The following FBXL17 variants were observed in gnomAD, a reference collection of about 807,000 sequenced individuals.
The protein encoded by FBXL17 is F-box and leucine rich repeat protein 17.
A neutral mutation model predicts 66.2 loss-of-function variants in FBXL17; 22 were observed. That is an observed-to-expected ratio of 0.33 (90% CI 0.24 to 0.47). The LOEUF (loss-of-function observed/expected upper bound fraction) is 0.47, where lower values mean the gene tolerates loss of function less well. Ranked by LOEUF, FBXL17 falls within the 20% of genes least tolerant of loss-of-function variation. The pLI, the probability that FBXL17 is intolerant of heterozygous loss-of-function variation, is 1.00. For missense variants in FBXL17, 878 were observed against 948.2 expected (o/e 0.93, Z 0.97); for synonymous variants, 474 against 400.5 (o/e 1.18, Z -2.19).
At chr5:108,004,777 ACTT>A (rs1282816516) in intron 7 of FBXL17, among the ~76,000 whole-genome samples, 1 of 152,164 alleles carries the variant, frequency 6.6e-6, no homozygotes, top group Non-Finnish European at 1.5e-5. Flanking sequence ...TGCCACTGAA[ACTT>A]CTTCATAATC....
At chr5:108,129,192 G>A (rs1750830685) in intron 6 of FBXL17, among the ~76,000 whole-genome samples, 1 of 152,100 alleles carries the variant, frequency 6.6e-6, no homozygotes, top group Non-Finnish European at 1.5e-5. Context: ...AATTAAAAAT[G>A]AGAAAACCAA....
At chr5:107,907,648 A>G (rs956166619) in intron 7 of FBXL17, among the ~76,000 whole-genome samples, 5 of 152,276 alleles carry the variant, frequency 3.3e-5, no homozygotes, top group African/African-American at 1.2e-4. Context: ...ATGAACAGAC[A>G]CTTCTCAAAA....
At chr5:107,974,208 T>C (rs374031835) in intron 7 of FBXL17, among the ~76,000 whole-genome samples, 7 of 152,238 alleles carry the variant, frequency 4.6e-5, no homozygotes, top group South Asian at 4.1e-4. Context: ...TTTAAGTCAA[T>C]ATAAGAAGTT....
At chr5:108,274,244 T>C (rs1451848005) in intron 4 of FBXL17, among the ~76,000 whole-genome samples, 1 of 152,164 alleles carries the variant, frequency 6.6e-6, no homozygotes, top group Non-Finnish European at 1.5e-5. Context: ...CTGGAGTCTA[T>C]CTCACCTCTG....
At position 107,889,560 on chromosome 5, in the gene FBXL17, C is replaced by T. The variant is rs969618054; in HGVS notation, c.1823-8381G>A. 4.6e-5 allele frequency among the ~76,000 whole-genome samples: 7 copies of T among 152,152 alleles called. No individual in the cohort carries two copies. In the South Asian group the frequency reaches 8.3e-4, roughly 18 times the overall value. On this transcript the variant is annotated intron_variant, in intron 7 of 8. Coordinates refer to ENST00000542267, the MANE Select transcript of FBXL17 (RefSeq NM_001163315.3). ...GCTTACTGAATTCAGAAGAGCAACACGTAGGTATTGTCTGACTCACAAAGG... is the reference window on the plus strand; with the variant it reads ...GCTTACTGAATTCAGAAGAGCAACATGTAGGTATTGTCTGACTCACAAAGG...
chr5:108,113,994 T>TA (rs1050099260), intron 6 of FBXL17, among the ~76,000 whole-genome samples: 3 of 152,234 alleles, frequency 2.0e-5, no homozygotes, highest in African/African-American at 7.2e-5. Context: ...AACAAATGTA[T>TA]AATTATTAAT....
chr5:108,107,015 G>T (rs942601690), intron 6 of FBXL17, among the ~76,000 whole-genome samples: 1 of 152,066 alleles, frequency 6.6e-6, no homozygotes, highest in Non-Finnish European at 1.5e-5. Flanking sequence ...CAAGAAAAAT[G>T]GAAAATATTA....
At chr5:108,041,229 T>C (rs1374681658) in intron 6 of FBXL17, among the ~76,000 whole-genome samples, 3 of 152,162 alleles carry the variant, frequency 2.0e-5, no homozygotes, top group Non-Finnish European at 4.4e-5. Flanking sequence ...TATTTTATAT[T>C]CCATCTCACA....
chr5:108,224,672 A>C (rs1580647558), intron 4 of FBXL17, among the ~76,000 whole-genome samples: 1 of 151,898 alleles, frequency 6.6e-6, no homozygotes, highest in South Asian at 2.1e-4. Context: ...ACTCACTGCA[A>C]CCTCCGCCTC....
At chr5:108,084,295 C>T (rs1748887466) in intron 6 of FBXL17, among the ~76,000 whole-genome samples, 1 of 152,212 alleles carries the variant, frequency 6.6e-6, no homozygotes, top group Non-Finnish European at 1.5e-5. Context: ...GCATGAAAAA[C>T]TGTTTTCAAA....
Position 108,072,552 on chromosome 5 carries a change from A to T in FBXL17, c.1746-51551T>A, listed in dbSNP as rs529884585. On this transcript the variant is annotated intron_variant, in intron 6 of 8. Coordinates refer to ENST00000542267, the MANE Select transcript of FBXL17 (RefSeq NM_001163315.3). ...CCCCGTCTCTACTAAAAATATTTTTAAAAAAATTAGCCGGGCGTGGTGGCG... is the reference window on the plus strand; with the variant it reads ...CCCCGTCTCTACTAAAAATATTTTTTAAAAAATTAGCCGGGCGTGGTGGCG... Among the ~76,000 whole-genome samples the T allele has an allele frequency of 6.2e-4, 95 of 152,168 alleles. 1 individual carries two copies. In the South Asian group the frequency reaches 0.012, roughly 20 times the overall value.
chr5:108,367,741 A>G lies in FBXL17; in HGVS notation c.1116+90T>C, dbSNP rs529702007. 5.0e-4 allele frequency: 574 copies of G among 1,149,544 alleles called. 3 individuals carry two copies. In the African/African-American group the frequency reaches 9.0e-3, roughly 18 times the overall value. The allele number at this position is 1,149,544 out of a possible 1,614,324, so 71.2% of individuals were successfully genotyped here. ...ATTACAGTGATTTGAACTATCTTAA[A>G]AAACAAGAAGACAGTAAAGATTTCT... On this transcript the variant is annotated intron_variant, in intron 2 of 8. Transcript: ENST00000542267.
chr5:108,192,585 A>T (rs1159334940), intron 5 of FBXL17, among the ~76,000 whole-genome samples: 1 of 152,200 alleles, frequency 6.6e-6, no homozygotes, highest in Admixed American at 6.5e-5. Context: ...ATGGGTCAGG[A>T]GTTCGAGACC....
intron 4 of FBXL17, among the ~76,000 whole-genome samples, chr5:108,293,634 A>G (rs1019577032): frequency 6.6e-6 from 1 of 152,188 alleles, no homozygotes; most frequent in African/African-American, 2.4e-5. Context: ...ATATTTTATA[A>G]TCAAAAGATG....
chr5:108,219,338 G>T (rs542678231), intron 5 of FBXL17, among the ~76,000 whole-genome samples: 1 of 152,100 alleles, frequency 6.6e-6, no homozygotes, highest in Non-Finnish European at 1.5e-5. Context: ...TTGGTAGTCA[G>T]TGTTTTTCAA....
At chr5:108,007,438 C>T (rs1323221783) in intron 7 of FBXL17, among the ~76,000 whole-genome samples, 1 of 152,076 alleles carries the variant, frequency 6.6e-6, no homozygotes, top group East Asian at 1.9e-4. Context: ...TCTTTCCTAG[C>T]AGGTTGTAGA....
At chr5:107,984,736 T>C in intron 7 of FBXL17, among the ~76,000 whole-genome samples, 1 of 152,252 alleles carries the variant, frequency 6.6e-6, no homozygotes, top group Non-Finnish European at 1.5e-5. Flanking sequence ...TAATTTGTTA[T>C]GCTTTTAAGA....
chr5:108,291,157 AATGAT>A (rs747122156), intron 4 of FBXL17, among the ~76,000 whole-genome samples: 11 of 152,208 alleles, frequency 7.2e-5, no homozygotes, highest in African/African-American at 1.7e-4. Flanking sequence ...CTGTGAAATA[AATGAT>A]ATGAGTGGCA....
At chr5:107,956,402 A>T (rs1171065923) in intron 7 of FBXL17, among the ~76,000 whole-genome samples, 3 of 152,140 alleles carry the variant, frequency 2.0e-5, no homozygotes, top group African/African-American at 7.2e-5. Context: ...CTTCACTTGT[A>T]TACAAGATGG....
Sources: allele counts gnomAD v4.1 joint callset (sites outside exome capture counted in the v4.1 genomes callset), GRCh38; gene constraint gnomAD v4.1.1; transcripts MANE v1.5; gene names NCBI Gene and HGNC (gene_info 2026-07-23, HGNC 2026-07-21).